The following ZDHHC11 variants were observed in gnomAD, a reference collection of about 807,000 sequenced individuals.
ZDHHC11 encodes the protein palmitoyltransferase ZDHHC11.
Under a neutral mutation model 51.3 loss-of-function variants are expected in ZDHHC11, and 44 were observed. That is an observed-to-expected ratio of 0.86 (90% CI 0.67 to 1.10). The LOEUF (loss-of-function observed/expected upper bound fraction) is 1.10, where lower values mean the gene tolerates loss of function less well. Among genes scored for constraint, ZDHHC11 ranks in the 50% least tolerant of loss-of-function variants. The probability of loss-of-function intolerance (pLI) is 0.00; values close to 1 mark genes in which losing one functional copy is unlikely to be tolerated. For synonymous variants in ZDHHC11, 163 were observed against 222.0 expected (o/e 0.73, Z 2.36); for missense variants, 400 against 537.7 (o/e 0.74, Z 2.53).
At position 850,528 on chromosome 5, in the gene ZDHHC11, C is replaced by A. The variant is rs547136812; in HGVS notation, c.75G>T (p.Pro25=). The part of the protein sequence containing the change: ...AILNNEKLVL[P]PRISRVNGWS... ...AGCCGTTCACTCTGGAGATGCGGGGCGGCAAGACCAGCTTTTCATTATTGA... is the reference window on the plus strand; with the variant it reads ...AGCCGTTCACTCTGGAGATGCGGGGAGGCAAGACCAGCTTTTCATTATTGA... Residue 25 remains proline (P), a synonymous_variant, in exon 1 of 13, where the codon CCG becomes CCT. Coordinates refer to ENST00000283441, the MANE Select transcript of ZDHHC11 (RefSeq NM_024786.3). 6.2e-7 allele frequency: 1 copy of A among 1,613,644 alleles called. No individual in the cohort carries two copies. The highest frequency in any genetic ancestry group is 1.1e-5 in the South Asian group (1 of 91,090).
intron 5 of ZDHHC11, among the ~76,000 whole-genome samples, chr5:838,809 GCAAGGGCCAGCTTCTCTGCAGCA>G (rs1208885200): frequency 6.6e-6 from 1 of 151,004 alleles, no homozygotes; most frequent in Admixed American, 6.6e-5. Flanking sequence ...GCCGCCTGAG[GCAAGGGCCAGCTTCTCTGCAGCA>G]CAAGGGCCTG....
intron 3 of ZDHHC11, among the ~76,000 whole-genome samples, chr5:845,826 G>A (rs932123931): frequency 6.7e-6 from 1 of 149,980 alleles, no homozygotes; most frequent in African/African-American, 2.5e-5. Context: ...CATGACCCCG[G>A]CCCTGCTCTC....
intron 11 of ZDHHC11, among the ~76,000 whole-genome samples, chr5:802,168 C>A (rs747175142): frequency 6.6e-6 from 1 of 151,120 alleles, no homozygotes; most frequent in South Asian, 2.1e-4. Flanking sequence ...GTAGGCTGAG[C>A]GGCCAGGCAG....
chr5:816,542 C>A lies in ZDHHC11; in HGVS notation c.1147-1747G>T, dbSNP rs77351621. On this transcript the variant is annotated intron_variant, in intron 10 of 12. Transcript: ENST00000283441. ...TCTGGATGATTCTGCCAAAAAGATA[C>A]TTCTGGAAAAATACAAATACGTGGA... The A allele has an allele frequency of 3.5e-6, 2 of 565,584 alleles. 1 individual carries two copies. The highest frequency in any genetic ancestry group is 3.8e-5 in the African/African-American group (2 of 52,968). The allele number at this position is 565,584 out of a possible 1,614,324, so 35.0% of individuals were successfully genotyped here. A position where few individuals can be genotyped will look rare whatever the true frequency, so the allele number is the denominator to read the frequency against.
In ZDHHC11 at chr5:800,938, C is replaced by T. The variant is rs1219873993; in HGVS notation, c.*7+162G>A. Among the ~76,000 whole-genome samples, 11 of 150,842 alleles carry T rather than the reference C, an allele frequency of 7.3e-5. No individual in the cohort carries two copies. The East Asian group carries it at 1.0e-3, about 14-fold the overall frequency. On this transcript the variant is annotated intron_variant, in intron 12 of 12. Coordinates refer to ENST00000283441, the MANE Select transcript of ZDHHC11 (RefSeq NM_024786.3). ...GCCATGCACTACTTCTAAAGATGGA[C>T]ACACGGTTCCTGTTCTGGGGTTACT...
chr5:804,632 T>C (rs572650550), intron 11 of ZDHHC11, among the ~76,000 whole-genome samples: 12 of 151,278 alleles, frequency 7.9e-5, no homozygotes, highest in African/African-American at 2.9e-4. Flanking sequence ...AATCAAGAGA[T>C]CCTTAGTAAA....
At chr5:799,801 C>T (rs1480500213) in intron 12 of ZDHHC11, among the ~76,000 whole-genome samples, 6 of 151,584 alleles carry the variant, frequency 4.0e-5, no homozygotes, top group Admixed American at 3.9e-4. Flanking sequence ...CTTCTTCTTT[C>T]CTTGAAAGAT....
At chr5:801,198 G>C (rs766425524) in intron 11 of ZDHHC11, 34 bp from the exon 12 acceptor site, 9 of 1,607,594 alleles carry the variant, frequency 5.6e-6, no homozygotes, top group Non-Finnish European at 7.7e-6. Context: ...AAACAACAGA[G>C]AACGTATGAT....
chr5:843,594 A>G lies in ZDHHC11; in HGVS notation c.628+6T>C. 6.2e-7 allele frequency: 1 copy of G among 1,608,358 alleles called. No homozygotes were observed. The highest frequency in any genetic ancestry group is 8.5e-7 in the Non-Finnish European group (1 of 1,176,644). ...ATGAGGCCCCTTGAGAGCGGCGGCC[A>G]CGTACCTTCATACCTGGGGTCCGTG... On this transcript the variant is annotated splice_donor_region_variant and intron_variant, in intron 4 of 12. Coordinates refer to ENST00000283441, the MANE Select transcript of ZDHHC11 (RefSeq NM_024786.3).
chr5:855,899 T>G (rs1468913287), upstream of ZDHHC11, among the ~76,000 whole-genome samples: 56 of 73,954 alleles, frequency 7.6e-4, no homozygotes, highest in South Asian at 1.4e-3. Context: ...CAGTGAGCAG[T>G]GGGGATAGAC....
At chr5:847,921 A>T in intron 2 of ZDHHC11, 1 of 530,692 alleles carries the variant, frequency 1.9e-6, no homozygotes, top group Non-Finnish European at 3.4e-6. Context: ...GCCCTGGAGG[A>T]GGCCGCGCCT....
At position 819,633 on chromosome 5, in the gene ZDHHC11, A is replaced by C. The variant is rs771438273; in HGVS notation, c.1059-21T>G. The C allele has an allele frequency of 2.1e-5, 33 of 1,605,542 alleles. 1 individual carries two copies. The highest frequency in any genetic ancestry group is 2.6e-5 in the Non-Finnish European group (31 of 1,173,136). Reference sequence around the variant, plus strand: ...TGGCTCTGGTGGGGCAAACAGAAGGAAAGAAACACACCACAGTTTTGTAGG... The same window carrying C: ...TGGCTCTGGTGGGGCAAACAGAAGGCAAGAAACACACCACAGTTTTGTAGG... On this transcript the variant is annotated intron_variant, in intron 9 of 12. Coordinates refer to ENST00000283441, the MANE Select transcript of ZDHHC11 (RefSeq NM_024786.3).
At chr5:817,993 T>C (rs1219509139) in intron 10 of ZDHHC11, among the ~76,000 whole-genome samples, 1 of 151,232 alleles carries the variant, frequency 6.6e-6, no homozygotes, top group Admixed American at 6.6e-5. Context: ...ACGTGCATTT[T>C]CAGATGGAAT....
In ZDHHC11 at chr5:813,887, G is replaced by T. The variant is rs550918716; in HGVS notation, c.1181+874C>A. Among the ~76,000 whole-genome samples the T allele has an allele frequency of 1.4e-4, 21 of 150,390 alleles. No individual in the cohort carries two copies. The East Asian group carries it at 3.5e-3, about 25-fold the overall frequency. On this transcript the variant is annotated intron_variant, in intron 11 of 12. Coordinates refer to ENST00000283441, the MANE Select transcript of ZDHHC11 (RefSeq NM_024786.3). ...TGTGACTGTGTGCGAGTGTGTGTGT[G>T]TGCACGTGCCTGTGTCTGTGCACCT...
At chr5:841,189 C>G in intron 4 of ZDHHC11, 2 of 1,047,712 alleles carry the variant, frequency 1.9e-6, no homozygotes, top group South Asian at 5.9e-5. Flanking sequence ...GGTCACAGCA[C>G]CCACCCCTTC....
At chr5:802,871 A>AAAAAAAAAAAAAAAC (rs1561228376) in intron 11 of ZDHHC11, among the ~76,000 whole-genome samples, 6 of 114,270 alleles carry the variant, frequency 5.3e-5, no homozygotes, top group African/African-American at 1.9e-4. Flanking sequence ...AAAAAAAAAA[A>AAAAAAAAAAAAAAAC]AAAGCTAAAT....
At position 796,167 on chromosome 5, in the gene ZDHHC11, C is replaced by T. The variant is rs1211240932; in HGVS notation, c.*421G>A. 4 of 155,876 alleles carry T rather than the reference C, an allele frequency of 2.6e-5. No individual in the cohort carries two copies. The highest frequency in any genetic ancestry group is 1.0e-3 in the Middle Eastern group (2 of 1,942). The allele number at this position is 155,876 out of a possible 1,614,324, so 9.7% of individuals were successfully genotyped here. ...AGTACTGTGCTCCCATTTCCTAGTA[C>T]TGTGCTCCCATTTCCCAGTACTGTG... is the stretch of plus-strand genomic sequence containing the variant. On this transcript the variant is annotated 3_prime_UTR_variant, in exon 13 of 13. Transcript: ENST00000283441.
chr5:829,037 CA>C (rs1297230872), intron 7 of ZDHHC11, among the ~76,000 whole-genome samples: 2 of 131,358 alleles, frequency 1.5e-5, no homozygotes, highest in African/African-American at 5.6e-5. Flanking sequence ...ATGGCCACAT[CA>C]AAAAGACTGA....
At chr5:846,628 C>T (rs543266170) in intron 3 of ZDHHC11, among the ~76,000 whole-genome samples, 305 of 147,452 alleles carry the variant, frequency 2.1e-3, no homozygotes, top group Middle Eastern at 0.011. Context: ...CACCTCTCAT[C>T]CTTGCGCCTC....
Sources: gnomAD v4.1 joint callset for allele counts (sites outside exome capture counted in the v4.1 genomes callset) on GRCh38, gnomAD v4.1.1 for gene constraint, MANE v1.5 for transcripts, NCBI Gene and HGNC (gene_info 2026-07-23, HGNC 2026-07-21) for gene names.